The following NUP43 variants were observed in gnomAD, a reference collection of about 807,000 sequenced individuals.
NUP43 encodes the protein nucleoporin 43, also known as nucleoporin Nup43.
A neutral mutation model predicts 47.3 loss-of-function variants in NUP43; 32 were observed. The ratio of observed to expected loss-of-function variants is 0.68; its 90% CI spans 0.51 to 0.91. NUP43 has a LOEUF of 0.91. Ranked by LOEUF, NUP43 falls within the 40% of genes least tolerant of loss-of-function variation. The pLI, the probability that NUP43 is intolerant of heterozygous loss-of-function variation, is 0.00. For missense variants in NUP43, 444 were observed against 453.9 expected, an observed-to-expected ratio of 0.98 and a Z score of 0.20; for synonymous variants, 147 against 158.4, an observed-to-expected ratio of 0.93 and a Z score of 0.54.
At chr6:149,735,656 C>T (rs1785296076) in intron 6 of NUP43, among the ~76,000 whole-genome samples, 1 of 141,394 alleles carries the variant, frequency 7.1e-6, no homozygotes, top group Non-Finnish European at 1.5e-5. Flanking sequence ...ATTCTAACTA[C>T]AGTTTTGGAT....
At chr6:149,727,755 A>G in intron 7 of NUP43, 1 of 983,790 alleles carries the variant, frequency 1.0e-6, no homozygotes, top group Non-Finnish European at 1.2e-6. Context: ...CAAGCAGATT[A>G]GAACACTACT....
At chr6:149,748,410 G>A (rs1188768161), upstream of NUP43, among the ~76,000 whole-genome samples, 4 of 152,332 alleles carry the variant, frequency 2.6e-5, no homozygotes, top group East Asian at 5.8e-4. Flanking sequence ...GTTGATTTTG[G>A]ATTGGAAGCA....
At chr6:149,746,250 CA>C in intron 1 of NUP43, 125 bp downstream of exon 1, 1 of 1,438,402 alleles carries the variant, frequency 7.0e-7, no homozygotes, top group South Asian at 1.3e-5. Context: ...GCGCCTGAGA[CA>C]GGGGTCCGGG....
At chr6:149,737,817 AGTAGCG>A (rs770768873) in intron 5 of NUP43, among the ~76,000 whole-genome samples, 37 of 151,988 alleles carry the variant, frequency 2.4e-4, no homozygotes, top group Non-Finnish European at 4.6e-4. Flanking sequence ...CAGCCTCCTG[AGTAGCG>A]GGGTCTATAG....
intron 6 of NUP43, among the ~76,000 whole-genome samples, chr6:149,735,490 C>T (rs1248167205): frequency 6.6e-6 from 1 of 150,908 alleles, no homozygotes; most frequent in Non-Finnish European, 1.5e-5. Context: ...AATGGCTATG[C>T]CCAGCACTTT....
At chr6:149,727,550 T>C (rs1316809569) in intron 7 of NUP43, 3 of 970,604 alleles carry the variant, frequency 3.1e-6, no homozygotes, top group Non-Finnish European at 3.7e-6. Flanking sequence ...ACCAAAAATG[T>C]AGGTAATACA....
Position 149,730,011 on chromosome 6 carries a change from C to CTTTTT in NUP43, c.913+1597_913+1601dup, listed in dbSNP as rs748964252. Among the ~76,000 whole-genome samples, 10 of 142,070 alleles carry CTTTTT rather than the reference C, an allele frequency of 7.0e-5. No individual in the cohort carries two copies. The South Asian group carries it at 2.0e-3, about 29-fold the overall frequency. 93.2% of individuals were successfully genotyped at this position (142,070 alleles called of 152,430 possible). ...CTGACTGTAATGAGGAAAGCACGCC[C>CTTTTT]TTTTTTTTTTTTTTTGAGACGGAGT... On this transcript the variant is annotated intron_variant, in intron 7 of 7. Transcript: ENST00000340413.
intron 7 of NUP43, 57 bp downstream of exon 7, chr6:149,731,556 C>CT (rs760785377): frequency 7.2e-7 from 1 of 1,396,528 alleles, no homozygotes; most frequent in Non-Finnish European, 9.6e-7. Context: ...GAGTGAGACT[C>CT]TGTCTTAAAA....
intron 7 of NUP43, 92 bp from the exon 8 acceptor site, chr6:149,727,290 A>G: frequency 9.5e-6 from 14 of 1,476,526 alleles, no homozygotes; most frequent in South Asian, 1.3e-5. Flanking sequence ...AAAGGTGATG[A>G]TATCAATGTG....
At chr6:149,732,737 T>C (rs950319141) in intron 6 of NUP43, among the ~76,000 whole-genome samples, 3 of 151,758 alleles carry the variant, frequency 2.0e-5, no homozygotes, top group Non-Finnish European at 4.4e-5. Context: ...TCCCAGCTAC[T>C]TGGGAGGGTG....
intron 7 of NUP43, among the ~76,000 whole-genome samples, chr6:149,730,940 A>AC: frequency 8.0e-6 from 1 of 124,992 alleles, no homozygotes; most frequent in East Asian, 5.6e-4. Context: ...GCTGTCTCAA[A>AC]CAAAAAAAAA....
chr6:149,740,420 A>G (rs941257556), intron 4 of NUP43, among the ~76,000 whole-genome samples: 5 of 152,166 alleles, frequency 3.3e-5, no homozygotes, highest in African/African-American at 1.2e-4. Context: ...GACAAAGTCA[A>G]GAAATCAAGA....
At chr6:149,730,642 T>A (rs1371027017) in intron 7 of NUP43, among the ~76,000 whole-genome samples, 1 of 152,150 alleles carries the variant, frequency 6.6e-6, no homozygotes, top group African/African-American at 2.4e-5. Flanking sequence ...TTTAAAAGTA[T>A]AAAATGGCTG....
upstream of NUP43, among the ~76,000 whole-genome samples, chr6:149,747,448 T>C (rs533543297): frequency 1.1e-3 from 164 of 150,174 alleles, no homozygotes; most frequent in Non-Finnish European, 1.8e-3. Context: ...CATGCCTGGC[T>C]AATTTTTTTT....
chr6:149,745,394 C>A (rs1785925024), intron 2 of NUP43, among the ~76,000 whole-genome samples: 1 of 147,486 alleles, frequency 6.8e-6, no homozygotes, highest in African/African-American at 2.5e-5. Context: ...AGCGAGACTC[C>A]ATCTTGGAAA....
Position 149,727,134 on chromosome 6 carries a change from G to A in NUP43, c.978C>T (p.Val326=). Residue 326 remains valine, a synonymous_variant, in exon 8 of 8, where the codon GTC becomes GTT. Coordinates refer to ENST00000340413, the MANE Select transcript of NUP43 (RefSeq NM_198887.3). ...ISNQANVHQS[V]ISSWLSTDPA... ...GATCAGTGCTGAGCCAGGAGCTAAT[G>A]ACAGACTGGTGAACATTAGCTTGGT... 1 of 1,614,100 alleles carries A rather than the reference G, an allele frequency of 6.2e-7. No individual in the cohort carries two copies. Among genetic ancestry groups the A allele is most frequent in the Non-Finnish European group, 8.5e-7 (1 of 1,180,010 alleles).
chr6:149,732,888 T>C (rs1785133458), intron 6 of NUP43, among the ~76,000 whole-genome samples: 2 of 151,708 alleles, frequency 1.3e-5, no homozygotes, highest in African/African-American at 4.9e-5. Flanking sequence ...TTTAACCCTA[T>C]TACTTTATGA....
intron 4 of NUP43, among the ~76,000 whole-genome samples, chr6:149,741,992 G>A (rs891168219): frequency 1.4e-4 from 21 of 152,068 alleles, no homozygotes; most frequent in African/African-American, 5.1e-4. Flanking sequence ...CTGAGTAGCT[G>A]GGATTACAGG....
chr6:149,738,818 CCT>C, intron 4 of NUP43, 40 bp from the exon 5 acceptor site: 1 of 1,292,856 alleles, frequency 7.7e-7, no homozygotes, highest in Non-Finnish European at 1.0e-6. Context: ...TAATGAGTCC[CCT>C]TTTTTTCCCA....
Sources: gnomAD v4.1 joint callset for allele counts (sites outside exome capture counted in the v4.1 genomes callset) on GRCh38, gnomAD v4.1.1 for gene constraint, MANE v1.5 for transcripts, NCBI Gene and HGNC (gene_info 2026-07-23, HGNC 2026-07-21) for gene names.